USP4: variants seen among roughly 807,000 people sequenced by gnomAD.
USP4 encodes the protein ubiquitin specific peptidase 4, also known as ubiquitin carboxyl-terminal hydrolase 4.
A neutral mutation model predicts 118.2 loss-of-function variants in USP4; 72 were observed. The observed-to-expected ratio is 0.61, with a 90% confidence interval of 0.50 to 0.74. USP4 has a LOEUF of 0.74. USP4 is among the 30% of genes least tolerant of loss of function. The pLI is 0.00. For missense variants in USP4, 1,037 were observed against 1,185.7 expected, an observed-to-expected ratio of 0.87 and a Z score of 1.84; for synonymous variants, 415 against 440.4, an observed-to-expected ratio of 0.94 and a Z score of 0.72.
At position 49,284,830 on chromosome 3, in the gene USP4, C is replaced by G. The variant is rs1328775862; in HGVS notation, c.2271+19G>C. 2 of 1,612,022 alleles carry G rather than the reference C, an allele frequency of 1.2e-6. No individual in the cohort carries two copies. The highest frequency in any genetic ancestry group is 1.7e-6 in the Non-Finnish European group (2 of 1,178,536). On this transcript the variant is annotated intron_variant, in intron 17 of 21. Transcript: ENST00000265560. Reference sequence around the variant, plus strand: ...AGAAACCAGCAGACACCACCGACCACGAACCCCGAGGGACCTACCTCAGAT... The same window carrying G: ...AGAAACCAGCAGACACCACCGACCAGGAACCCCGAGGGACCTACCTCAGAT...
chr3:49,295,736 C>CACACACACACACACACACACACA (rs1336643836), intron 13 of USP4, among the ~76,000 whole-genome samples: 1 of 142,896 alleles, frequency 7.0e-6, no homozygotes, highest in African/African-American at 2.7e-5. Flanking sequence ...ACACACACAC[C>CACACACACACACACACACACACA]CCCCCCTCCC....
At chr3:49,310,472 AG>A (rs2047372001) in intron 8 of USP4, 147 bp downstream of exon 8, 2 of 709,440 alleles carry the variant, frequency 2.8e-6, no homozygotes, top group Non-Finnish European at 5.1e-6. Flanking sequence ...TATACCACCT[AG>A]TGGGAGATGC....
intron 13 of USP4, among the ~76,000 whole-genome samples, chr3:49,295,301 A>AAAAATAAAAAAAAAAT (rs2047192477): frequency 6.7e-6 from 1 of 149,810 alleles, no homozygotes; most frequent in Non-Finnish European, 1.5e-5. Flanking sequence ...AAAAAAAAAA[A>AAAAATAAAAAAAAAAT]AAAAAAAAAA....
chr3:49,303,916 C>G (rs1289770360), intron 9 of USP4, among the ~76,000 whole-genome samples: 1 of 152,092 alleles, frequency 6.6e-6, no homozygotes, highest in Non-Finnish European at 1.5e-5. Context: ...CCACGCCTGG[C>G]TAATTTTTGT....
At position 49,284,858 on chromosome 3, in the gene USP4, T is replaced by C; in HGVS notation, c.2262A>G (p.Gln754=). 1 of 1,613,842 alleles carries C rather than the reference T, an allele frequency of 6.2e-7. No individual in the cohort carries two copies. The highest frequency in any genetic ancestry group is 1.3e-5 in the African/African-American group (1 of 75,028). Residue 754 remains glutamine (Q), a synonymous_variant, in exon 17 of 22, where the codon CAA becomes CAG. Transcript: ENST00000265560. The part of the protein sequence containing the change: ...SETRRLYYDE[Q]ESEAYEKHVS... Reference sequence around the variant, plus strand: ...ACCCCGAGGGACCTACCTCAGATTCTTGCTCATCATAGTAAAGTCTCCGAG... The same window carrying C: ...ACCCCGAGGGACCTACCTCAGATTCCTGCTCATCATAGTAAAGTCTCCGAG...
chr3:49,279,026 A>C, intron 20 of USP4, 124 bp from the exon 21 acceptor site: 1 of 544,506 alleles, frequency 1.8e-6, no homozygotes, highest in Non-Finnish European at 3.1e-6. Context: ...AAAAAAGTTT[A>C]CAGTGTGTGT....
intron 6 of USP4, among the ~76,000 whole-genome samples, chr3:49,324,254 C>T (rs755392821): frequency 2.0e-5 from 3 of 152,308 alleles, no homozygotes; most frequent in Middle Eastern, 6.8e-3. Context: ...CTCCCACGGC[C>T]TCTCAAAGTG....
At position 49,311,506 on chromosome 3, in the gene USP4, G is replaced by C; in HGVS notation, c.836+8C>G. 6.2e-7 allele frequency: 1 copy of C among 1,612,698 alleles called. No homozygotes were observed. Among genetic ancestry groups the C allele is most frequent in the Non-Finnish European group, 8.5e-7 (1 of 1,179,392 alleles). On this transcript the variant is annotated splice_region_variant and intron_variant, in intron 7 of 21. Coordinates refer to ENST00000265560, the MANE Select transcript of USP4 (RefSeq NM_003363.4). ...GAAAGGAAGCAGAGTGAAAGGACCT[G>C]CTCTTACCCCCTGCTGACACCGGAA...
At chr3:49,299,336 C>T (rs1391141737) in intron 11 of USP4, among the ~76,000 whole-genome samples, 1 of 151,934 alleles carries the variant, frequency 6.6e-6, no homozygotes, top group African/African-American at 2.4e-5. Flanking sequence ...GATCTGCCCG[C>T]CTCGGCCTCC....
intron 9 of USP4, 56 bp downstream of exon 9, chr3:49,305,659 G>A (rs777959212): frequency 1.6e-4 from 223 of 1,412,382 alleles, no homozygotes; most frequent in Non-Finnish European, 2.1e-4. Context: ...AACATTTCTG[G>A]TCCCAGGCAT....
chr3:49,327,041 G>T (rs1008245276), intron 3 of USP4, among the ~76,000 whole-genome samples: 5 of 152,100 alleles, frequency 3.3e-5, no homozygotes, highest in African/African-American at 1.2e-4. Flanking sequence ...TATCATAAAG[G>T]TTTTTTAAGA....
At chr3:49,326,222 C>T (rs2047552636) in intron 3 of USP4, among the ~76,000 whole-genome samples, 1 of 152,014 alleles carries the variant, frequency 6.6e-6, no homozygotes, top group African/African-American at 2.4e-5. Flanking sequence ...GAGGCTGAGA[C>T]AGGGGAATCG....
intron 15 of USP4, among the ~76,000 whole-genome samples, chr3:49,291,840 G>A (rs1214427326): frequency 1.3e-5 from 2 of 150,944 alleles, no homozygotes; most frequent in Non-Finnish European, 3.0e-5. Context: ...TTGAGACAGA[G>A]TTTCACTCTG....
At chr3:49,296,054 G>C (rs1005799418) in intron 13 of USP4, among the ~76,000 whole-genome samples, 3 of 152,106 alleles carry the variant, frequency 2.0e-5, no homozygotes, top group Admixed American at 1.3e-4. Context: ...GATGCAGGCC[G>C]GGCACAGTGG....
Position 49,286,164 on chromosome 3 carries a change from C to G in USP4, c.2134G>C (p.Val712Leu), listed in dbSNP as rs1559465024. 4 of 1,614,076 alleles carry G rather than the reference C, an allele frequency of 2.5e-6. No homozygotes were observed. Among genetic ancestry groups the G allele is most frequent in the Non-Finnish European group, 3.4e-6 (4 of 1,180,040 alleles). ...ATGTCAGCTGTTCCATAGGAGTTCA[C>G]AAGACTGAAGGTAAAAAGCCTTTTT... Reference protein sequence around the residue: ...CPKRLFTFSLVNSYGTADINS... With the variant: ...CPKRLFTFSLLNSYGTADINS... The change falls in exon 16 of 22, where the codon GTG (valine) becomes CTG (leucine). Residue 712 changes from valine to leucine, a missense_variant. Transcript: ENST00000265560.
At chr3:49,290,450 T>C (rs1280890898) in intron 15 of USP4, among the ~76,000 whole-genome samples, 2 of 152,204 alleles carry the variant, frequency 1.3e-5, no homozygotes. Context: ...TCTCACTTTC[T>C]AGGACTGCAT....
intron 1 of USP4, among the ~76,000 whole-genome samples, chr3:49,339,173 G>A (rs557296574): frequency 6.6e-6 from 1 of 152,138 alleles, no homozygotes; most frequent in Admixed American, 6.6e-5. Context: ...AAACAAGATG[G>A]GTAACAATCA....
intron 16 of USP4, 47 bp from the exon 17 acceptor site, chr3:49,284,966 G>A (rs779253165): frequency 1.3e-6 from 2 of 1,506,126 alleles, no homozygotes; most frequent in Admixed American, 3.5e-5. Flanking sequence ...CAAGCAACAG[G>A]AAAGGCTCTC....
At chr3:49,287,942 C>G (rs2047114201) in intron 15 of USP4, among the ~76,000 whole-genome samples, 1 of 152,050 alleles carries the variant, frequency 6.6e-6, no homozygotes, top group Non-Finnish European at 1.5e-5. Flanking sequence ...GTTAAAGTAT[C>G]AAATAAGTAA....
Sources: allele counts gnomAD v4.1 joint callset (sites outside exome capture counted in the v4.1 genomes callset), GRCh38; gene constraint gnomAD v4.1.1; transcripts MANE v1.5; gene names NCBI Gene and HGNC (gene_info 2026-07-23, HGNC 2026-07-21).